Variants in VCL observed in about 807,000 individuals in gnomAD.
VCL encodes the protein vinculin, also known as epididymis luminal protein 114.
VCL carries 47 observed loss-of-function variants against 125.7 expected under a neutral mutation model. The ratio of observed to expected loss-of-function variants is 0.37; its 90% CI spans 0.30 to 0.48. The LOEUF (loss-of-function observed/expected upper bound fraction) is 0.48, where lower values mean the gene tolerates loss of function less well. Among genes scored for constraint, VCL ranks in the 20% least tolerant of loss-of-function variants. VCL has a pLI of 0.99. For missense variants in VCL, 1,069 were observed against 1,455.5 expected, an observed-to-expected ratio of 0.73 and a Z score of 4.32; for synonymous variants, 458 against 514.6, an observed-to-expected ratio of 0.89 and a Z score of 1.49.
chr10:74,052,374 G>GTTTT (rs141633935), intron 2 of VCL, among the ~76,000 whole-genome samples: 24 of 113,026 alleles, frequency 2.1e-4, no homozygotes, highest in South Asian at 2.8e-4. Flanking sequence ...TCTTCAGTTA[G>GTTTT]TTTTTTTTTT....
At chr10:74,063,448 C>G (rs1388958595) in intron 2 of VCL, among the ~76,000 whole-genome samples, 1 of 152,200 alleles carries the variant, frequency 6.6e-6, no homozygotes. Flanking sequence ...TTCACCTTTT[C>G]CAGCTTCTAG....
Position 74,070,723 on chromosome 10 carries a change from A to G in VCL, c.293A>G (p.Asp98Gly). 1.2e-6 allele frequency: 2 copies of G among 1,614,034 alleles called. No individual in the cohort carries two copies. The highest frequency in any genetic ancestry group is 1.7e-6 in the Non-Finnish European group (2 of 1,180,004). ...CAGGCAGCTCAGATGCTTCAGTCAGACCCTTACTCAGTGCCTGCTCGAGAT... is the reference window on the plus strand; with the variant it reads ...CAGGCAGCTCAGATGCTTCAGTCAGGCCCTTACTCAGTGCCTGCTCGAGAT... Reference protein sequence around the residue: ...LVQAAQMLQSDPYSVPARDYL... With the variant: ...LVQAAQMLQSGPYSVPARDYL... The change falls in exon 3 of 22, where the codon GAC (aspartate) becomes GGC (glycine). Residue 98 changes from aspartate to glycine, a missense_variant. This residue lies in a region of VCL where 96 missense variants were observed against 137.6 expected (regional missense o/e 0.70). Coordinates refer to ENST00000211998, the MANE Select transcript of VCL (RefSeq NM_014000.3).
chr10:74,002,990 A>ATG (rs1840256656), intron 1 of VCL, among the ~76,000 whole-genome samples: 1 of 151,244 alleles, frequency 6.6e-6, no homozygotes, highest in Admixed American at 6.6e-5. Flanking sequence ...TCACTGATAT[A>ATG]TATATATAAA....
At chr10:74,020,867 C>T (rs528874056) in intron 1 of VCL, among the ~76,000 whole-genome samples, 14 of 88,142 alleles carry the variant, frequency 1.6e-4, no homozygotes, top group Non-Finnish European at 3.1e-4. Context: ...AAAAAGAGAG[C>T]GAGAGATAAA....
chr10:74,025,300 G>A (rs1840749606), intron 1 of VCL, among the ~76,000 whole-genome samples: 1 of 152,052 alleles, frequency 6.6e-6, no homozygotes, highest in East Asian at 1.9e-4. Context: ...TACAGGCGTA[G>A]CCATGGTGCC....
At chr10:74,012,673 G>C (rs1365753197) in intron 1 of VCL, among the ~76,000 whole-genome samples, 1 of 152,098 alleles carries the variant, frequency 6.6e-6, no homozygotes, top group Non-Finnish European at 1.5e-5. Context: ...GTGAGGAGAT[G>C]GTGGGCCACC....
chr10:74,056,554 G>C (rs1841394786), intron 2 of VCL, among the ~76,000 whole-genome samples: 1 of 152,122 alleles, frequency 6.6e-6, no homozygotes, highest in African/African-American at 2.4e-5. Flanking sequence ...TTAAATGTAG[G>C]AGTACAGGGT....
chr10:74,020,129 A>AT (rs1840633628), intron 1 of VCL, among the ~76,000 whole-genome samples: 1 of 152,120 alleles, frequency 6.6e-6, no homozygotes, highest in South Asian at 2.1e-4. Flanking sequence ...TATTATCTCT[A>AT]TTTTACAGGT....
chr10:74,077,683 T>C, intron 6 of VCL: 1 of 453,386 alleles, frequency 2.2e-6, no homozygotes, highest in Admixed American at 2.4e-5. Context: ...ACTTGTTTCA[T>C]GCCTCCCCAT....
At position 74,118,376 on chromosome 10, in the gene VCL, G is replaced by T. The variant is rs1035762300; in HGVS notation, c.*207G>T. 8 of 660,320 alleles carry T rather than the reference G, an allele frequency of 1.2e-5. No individual in the cohort carries two copies. The highest frequency in any genetic ancestry group is 1.8e-5 in the Non-Finnish European group (7 of 382,782). The allele number at this position is 660,320 out of a possible 1,614,324, so 40.9% of individuals were successfully genotyped here. A position where few individuals can be genotyped will look rare whatever the true frequency, so the allele number is the denominator to read the frequency against. ...TGAAATGTGTTTCTGTATAAAGCCT[G>T]TATTCTCAAACACAGTTACACTTGT... On this transcript the variant is annotated 3_prime_UTR_variant, in exon 22 of 22. Transcript: ENST00000211998.
chr10:74,015,476 T>C (rs12776171), intron 1 of VCL, among the ~76,000 whole-genome samples: 106,431 of 151,840 alleles, frequency 0.7, 38,073 homozygotes, highest in African/African-American at 0.8. Context: ...ATCGCTGGAA[T>C]GCGGGAGGTG....
intron 2 of VCL, among the ~76,000 whole-genome samples, chr10:74,051,892 A>ACAGCAG (rs139111479): frequency 3.3e-5 from 5 of 151,590 alleles, no homozygotes; most frequent in African/African-American, 9.7e-5. Context: ...GCAGCAGTGT[A>ACAGCAG]CAGCAGCAGC....
At position 74,089,992 on chromosome 10, in the gene VCL, C is replaced by T. The variant is rs537562716; in HGVS notation, c.1177-31C>T. ...TAGAAAGGAGTGTGTGAGTAGATCACAGCGTGCTGCTTCTCCGTTTCTATG... is the reference window on the plus strand; with the variant it reads ...TAGAAAGGAGTGTGTGAGTAGATCATAGCGTGCTGCTTCTCCGTTTCTATG... On this transcript the variant is annotated intron_variant, in intron 9 of 21. Coordinates refer to ENST00000211998, the MANE Select transcript of VCL (RefSeq NM_014000.3). 3.8e-5 allele frequency: 61 copies of T among 1,613,976 alleles called. No individual in the cohort carries two copies. The African/African-American group carries it at 7.9e-4, about 21-fold the overall frequency.
In VCL at chr10:74,070,713, C is replaced by T; in HGVS notation, c.283C>T (p.Leu95Phe). 1.2e-6 allele frequency: 2 copies of T among 1,614,150 alleles called. No individual in the cohort carries two copies. The highest frequency in any genetic ancestry group is 1.7e-6 in the Non-Finnish European group (2 of 1,180,014). Reference sequence around the variant, plus strand: ...CAAGCTTGTCCAGGCAGCTCAGATGCTTCAGTCAGACCCTTACTCAGTGCC... The same window carrying T: ...CAAGCTTGTCCAGGCAGCTCAGATGTTTCAGTCAGACCCTTACTCAGTGCC... ...CTKLVQAAQM[L>F]QSDPYSVPAR... Residue 95 changes from leucine (L) to phenylalanine (F), a missense_variant, in exon 3 of 22, where the codon CTT (leucine) becomes TTT (phenylalanine). By Grantham distance (22) the Leu-to-Phe change is conservative. Coordinates refer to ENST00000211998, the MANE Select transcript of VCL (RefSeq NM_014000.3).
intron 14 of VCL, among the ~76,000 whole-genome samples, chr10:74,103,532 T>C (rs1278366190): frequency 6.6e-6 from 1 of 152,234 alleles, no homozygotes; most frequent in Non-Finnish European, 1.5e-5. Flanking sequence ...TGTTTAAACA[T>C]ATGCCAGTTT....
chr10:74,111,736 A>T (rs1840222134), intron 18 of VCL, among the ~76,000 whole-genome samples, 173 bp from the exon 19 acceptor site: 1 of 152,086 alleles, frequency 6.6e-6, no homozygotes, highest in African/African-American at 2.4e-5. Context: ...GTGGCGCTGG[A>T]GGCTGAGAAT....
chr10:74,118,028 A>G lies in VCL; in HGVS notation c.3264A>G (p.Thr1088=), dbSNP rs755500343. The G allele has an allele frequency of 1.1e-5, 17 of 1,614,014 alleles. No individual in the cohort carries two copies. Among genetic ancestry groups the G allele is most frequent in the East Asian group, 2.2e-5 (1 of 44,898 alleles). ...NISDEESEQA[T]EMLVHNAQNL... ...AAGTACCTTTTTCCTTGCAGGCCAC[A>G]GAGATGCTGGTTCACAATGCCCAGA... Residue 1088 remains threonine, a synonymous_variant, in exon 22 of 22, where the codon ACA becomes ACG. Coordinates refer to ENST00000211998, the MANE Select transcript of VCL (RefSeq NM_014000.3).
At chr10:74,109,377 G>T (rs1840185367) in intron 18 of VCL, among the ~76,000 whole-genome samples, 1 of 152,198 alleles carries the variant, frequency 6.6e-6, no homozygotes, top group Non-Finnish European at 1.5e-5. Flanking sequence ...GAGTCAGGGT[G>T]CCTGTGATTT....
intron 18 of VCL, among the ~76,000 whole-genome samples, chr10:74,109,882 T>C (rs559825991): frequency 6.6e-6 from 1 of 152,330 alleles, no homozygotes; most frequent in African/African-American, 2.4e-5. Flanking sequence ...GTTTCTAATA[T>C]GACCCTAGAT....
Sources: allele counts gnomAD v4.1 joint callset (sites outside exome capture counted in the v4.1 genomes callset), GRCh38; gene constraint gnomAD v4.1.1; regional missense constraint gnomAD v4.1.1; transcripts MANE v1.5; gene names NCBI Gene and HGNC (gene_info 2026-07-23, HGNC 2026-07-21).